THSD7B: variants seen among roughly 807,000 people sequenced by gnomAD.
The protein encoded by THSD7B is thrombospondin type 1 domain containing 7B.
A neutral mutation model predicts 213.6 loss-of-function variants in THSD7B; 138 were observed. That is an observed-to-expected ratio of 0.65 (90% CI 0.56 to 0.74). THSD7B has a LOEUF of 0.74. Among genes scored for constraint, THSD7B ranks in the 30% least tolerant of loss-of-function variants. THSD7B has a pLI of 0.00. For synonymous variants in THSD7B, 742 were observed against 687.0 expected (o/e 1.08, Z -1.25); for missense variants, 1,931 against 1,991.5 (o/e 0.97, Z 0.58).
At chr2:137,312,295 G>C (rs990915813) in intron 12 of THSD7B, among the ~76,000 whole-genome samples, 1 of 152,128 alleles carries the variant, frequency 6.6e-6, no homozygotes, top group Non-Finnish European at 1.5e-5. Flanking sequence ...TATTTGCGTA[G>C]AGGTGTTTAT....
intron 12 of THSD7B, among the ~76,000 whole-genome samples, chr2:137,392,134 A>G (rs1686043867): frequency 6.6e-6 from 1 of 152,124 alleles, no homozygotes; most frequent in Non-Finnish European, 1.5e-5. Flanking sequence ...TCGATTTCTA[A>G]AAATTTGTTG....
At chr2:137,032,879 C>T (rs1428809168) in intron 2 of THSD7B, among the ~76,000 whole-genome samples, 1 of 151,972 alleles carries the variant, frequency 6.6e-6, no homozygotes, top group African/African-American at 2.4e-5. Flanking sequence ...ATGTGCCATC[C>T]TTGGGAATGA....
chr2:136,975,566 C>G (rs1314931360), intron 2 of THSD7B, among the ~76,000 whole-genome samples: 1 of 152,082 alleles, frequency 6.6e-6, no homozygotes, highest in Non-Finnish European at 1.5e-5. Context: ...TGCATCAGTA[C>G]CATGCTGTTT....
intron 17 of THSD7B, among the ~76,000 whole-genome samples, chr2:137,585,397 G>T (rs1032092346): frequency 6.6e-6 from 1 of 151,976 alleles, no homozygotes; most frequent in African/African-American, 2.4e-5. Context: ...GAATGTGTTT[G>T]CTGTTGCTTC....
intron 17 of THSD7B, among the ~76,000 whole-genome samples, chr2:137,582,683 G>A (rs1444587529): frequency 6.6e-6 from 1 of 151,996 alleles, no homozygotes; most frequent in Admixed American, 6.6e-5. Flanking sequence ...CCTTTTTTAT[G>A]TCTGCATAGC....
intron 15 of THSD7B, among the ~76,000 whole-genome samples, chr2:137,472,426 AGTGTATTT>A (rs1688110788): frequency 6.6e-6 from 1 of 152,222 alleles, no homozygotes; most frequent in Admixed American, 6.5e-5. Flanking sequence ...AGTATGTATT[AGTGTATTT>A]AAAATAGTTA....
chr2:137,404,472 T>TACACACACACACAC (rs1274761285), intron 12 of THSD7B, among the ~76,000 whole-genome samples: 4 of 56,788 alleles, frequency 7.0e-5, no homozygotes, highest in African/African-American at 3.3e-4. Flanking sequence ...TATATATATA[T>TACACACACACACAC]ATACACACAC....
At chr2:137,160,008 C>G (rs1262035221) in intron 5 of THSD7B, among the ~76,000 whole-genome samples, 1 of 152,192 alleles carries the variant, frequency 6.6e-6, no homozygotes, top group East Asian at 1.9e-4. Flanking sequence ...ATGCACTTTG[C>G]CTCTGTCTTC....
intron 1 of THSD7B, among the ~76,000 whole-genome samples, chr2:136,876,771 A>G (rs1649552): frequency 0.91 from 138,895 of 152,278 alleles, 63,576 homozygotes; most frequent in East Asian, 1. Context: ...ATCAGGGCAG[A>G]AGCTGAGATT....
At chr2:137,479,121 C>G (rs570974353) in intron 15 of THSD7B, among the ~76,000 whole-genome samples, 1 of 152,284 alleles carries the variant, frequency 6.6e-6, no homozygotes, top group South Asian at 2.1e-4. Context: ...GGGCATGGTA[C>G]AGGCAATGGC....
intron 14 of THSD7B, among the ~76,000 whole-genome samples, chr2:137,429,384 A>G (rs1022665831): frequency 6.6e-6 from 1 of 152,206 alleles, no homozygotes; most frequent in Non-Finnish European, 1.5e-5. Flanking sequence ...ATTCAAAGGA[A>G]TAGTTGAATG....
intron 3 of THSD7B, among the ~76,000 whole-genome samples, chr2:137,075,600 T>C (rs999521035): frequency 2.0e-4 from 30 of 152,332 alleles, no homozygotes; most frequent in African/African-American, 6.5e-4. Context: ...AAAGTCATTC[T>C]CCGTCCAGCT....
chr2:136,906,233 G>A (rs957270680), intron 2 of THSD7B, among the ~76,000 whole-genome samples: 1 of 152,126 alleles, frequency 6.6e-6, no homozygotes, highest in Non-Finnish European at 1.5e-5. Context: ...GTGTTCAGCA[G>A]CAGACAGATA....
intron 12 of THSD7B, among the ~76,000 whole-genome samples, chr2:137,296,134 T>A (rs1437157431): frequency 2.0e-5 from 3 of 152,184 alleles, no homozygotes; most frequent in African/African-American, 7.2e-5. Flanking sequence ...TCTTCACATA[T>A]TCCATATTGC....
rs1683050503 is a variant in THSD7B, at chr2:137,282,505, C to G, written c.2500+6479C>G. The stretch of plus-strand genomic sequence containing the variant: ...GTGCCTATGTCCTGAATGGTATTGC[C>G]TAGGTTTTTTTCTAGAGTTTTTATG... On this transcript the variant is annotated intron_variant, in intron 12 of 27. Transcript: ENST00000409968. Among the ~76,000 whole-genome samples, 12 of 152,222 alleles carry G rather than the reference C, an allele frequency of 7.9e-5. No homozygotes were observed. In the South Asian group the frequency reaches 2.5e-3, roughly 32 times the overall value.
intron 1 of THSD7B, among the ~76,000 whole-genome samples, chr2:136,801,999 C>T (rs1682190568): frequency 6.6e-6 from 1 of 152,016 alleles, no homozygotes; most frequent in South Asian, 2.1e-4. Context: ...GTGGCTGTTA[C>T]AATAACACAA....
chr2:137,431,609 T>TA (rs1399489485), intron 14 of THSD7B, among the ~76,000 whole-genome samples: 3 of 152,142 alleles, frequency 2.0e-5, no homozygotes, highest in South Asian at 4.1e-4. Flanking sequence ...TATGCCAGAG[T>TA]AAGATTGGAA....
intron 2 of THSD7B, among the ~76,000 whole-genome samples, chr2:136,911,030 G>A (rs1300708331): frequency 6.6e-6 from 1 of 152,064 alleles, no homozygotes; most frequent in Admixed American, 6.5e-5. Context: ...AAGATCAAAT[G>A]AGATATGATG....
intron 2 of THSD7B, among the ~76,000 whole-genome samples, chr2:136,955,564 TA>T (rs1478856159): frequency 6.6e-6 from 1 of 152,104 alleles, no homozygotes; most frequent in Admixed American, 6.5e-5. Flanking sequence ...AGTTTCCTTT[TA>T]AAAAAAGTTA....
Sources: gnomAD v4.1 joint callset for allele counts (sites outside exome capture counted in the v4.1 genomes callset) on GRCh38, gnomAD v4.1.1 for gene constraint, MANE v1.5 for transcripts, NCBI Gene and HGNC (gene_info 2026-07-23, HGNC 2026-07-21) for gene names.